Variants in NBEA observed in about 807,000 individuals in gnomAD.
NBEA encodes the protein neurobeachin, also known as lysosomal-trafficking regulator 2.
In NBEA, 44 loss-of-function variants were observed where a neutral mutation model predicts 343.4. The observed-to-expected ratio is 0.13, with a 90% confidence interval of 0.10 to 0.16. The LOEUF is 0.16. Ranked by LOEUF, NBEA falls within the 10% of genes least tolerant of loss-of-function variation. The probability of loss-of-function intolerance (pLI) is 1.00; values close to 1 mark genes in which losing one functional copy is unlikely to be tolerated. For synonymous variants in NBEA, 1,175 were observed against 1,238.7 expected (o/e 0.95, Z 1.08); for missense variants, 2,555 against 3,631.3 (o/e 0.70, Z 7.62).
intron 10 of NBEA, among the ~76,000 whole-genome samples, chr13:35,071,602 A>G (rs1192723451): frequency 1.3e-5 from 2 of 152,014 alleles, no homozygotes; most frequent in Admixed American, 6.6e-5. Flanking sequence ...AGTTATATAG[A>G]TAAGCATTAA....
chr13:35,069,317 A>G (rs1330579208), intron 8 of NBEA, among the ~76,000 whole-genome samples: 1 of 152,182 alleles, frequency 6.6e-6, no homozygotes, highest in South Asian at 2.1e-4. Context: ...TTCTTGTTAT[A>G]GATGGCATAG....
intron 17 of NBEA, among the ~76,000 whole-genome samples, chr13:35,133,411 T>C (rs1191959561): frequency 6.6e-6 from 1 of 152,128 alleles, no homozygotes; most frequent in African/African-American, 2.4e-5. Context: ...TATATACTGG[T>C]ACAATCACAT....
At position 35,240,433 on chromosome 13, in the gene NBEA, G is replaced by A. The variant is rs12870314; in HGVS notation, c.5776+7814G>A. Among the ~76,000 whole-genome samples the A allele has an allele frequency of 1.6e-3, 250 of 151,884 alleles. 1 individual carries two copies. Among genetic ancestry groups the A allele is most frequent in the Non-Finnish European group, 3.1e-3 (211 of 67,788 alleles). On this transcript the variant is annotated intron_variant, in intron 34 of 58. Coordinates refer to ENST00000379939, the MANE Select transcript of NBEA (RefSeq NM_001385012.1). ...GAGAGACAGCTAGACAATTAGATAG[G>A]AAAAATACCATCACCTATCAAGACG...
chr13:35,496,074 T>C (rs2076664628), intron 41 of NBEA, among the ~76,000 whole-genome samples: 1 of 151,964 alleles, frequency 6.6e-6, no homozygotes, highest in Non-Finnish European at 1.5e-5. Flanking sequence ...AGTAAGATAA[T>C]TGGGTGGAAG....
At chr13:35,462,237 G>A (rs371246283) in intron 40 of NBEA, among the ~76,000 whole-genome samples, 31 of 152,220 alleles carry the variant, frequency 2.0e-4, no homozygotes, top group African/African-American at 7.5e-4. Context: ...TGCCCTCCAG[G>A]AAGTTATAGA....
At chr13:35,073,189 T>C (rs2063950914) in intron 10 of NBEA, among the ~76,000 whole-genome samples, 1 of 152,206 alleles carries the variant, frequency 6.6e-6, no homozygotes, top group South Asian at 2.1e-4. Flanking sequence ...TACAGATTCA[T>C]GGCTATGCAG....
chr13:35,593,557 T>C (rs2081629918), intron 47 of NBEA, 110 bp downstream of exon 47: 1 of 700,098 alleles, frequency 1.4e-6, no homozygotes, highest in East Asian at 3.0e-5. Flanking sequence ...TGTTCCATCA[T>C]ATTAAAATTA....
intron 1 of NBEA, among the ~76,000 whole-genome samples, chr13:34,998,644 C>T (rs2061018726): frequency 6.6e-6 from 1 of 152,188 alleles, no homozygotes; most frequent in African/African-American, 2.4e-5. Context: ...AAATATGGCT[C>T]TGTTCTGCCC....
chr13:35,428,033 A>G (rs1276975172), intron 38 of NBEA, among the ~76,000 whole-genome samples: 1 of 152,024 alleles, frequency 6.6e-6, no homozygotes, highest in Non-Finnish European at 1.5e-5. Context: ...GCCATCTGTC[A>G]CCCATTTCTT....
intron 1 of NBEA, among the ~76,000 whole-genome samples, chr13:34,943,836 G>A (rs1481048376): frequency 6.6e-6 from 1 of 152,190 alleles, no homozygotes; most frequent in African/African-American, 2.4e-5. Flanking sequence ...AGTGTGGCAT[G>A]TGGGTAAAGA....
intron 41 of NBEA, among the ~76,000 whole-genome samples, chr13:35,492,385 A>G (rs2076533324): frequency 6.6e-6 from 1 of 151,986 alleles, no homozygotes; most frequent in Admixed American, 6.6e-5. Flanking sequence ...AAGAGATAGT[A>G]TGGTAATTAT....
intron 41 of NBEA, chr13:35,475,753 C>T: frequency 6.2e-7 from 1 of 1,613,914 alleles, no homozygotes; most frequent in South Asian, 1.1e-5. Flanking sequence ...AAACCTGGAC[C>T]GGATTTTGCG....
chr13:35,584,559 GCATGACCT>G (rs1487393304), intron 46 of NBEA, among the ~76,000 whole-genome samples: 1 of 151,294 alleles, frequency 6.6e-6, no homozygotes, highest in African/African-American at 2.4e-5. Context: ...GAGTGCAATG[GCATGACCT>G]CGGCTTACTG....
chr13:35,656,194 GCAAA>G (rs2084803896), intron 55 of NBEA, among the ~76,000 whole-genome samples: 1 of 152,132 alleles, frequency 6.6e-6, no homozygotes. Flanking sequence ...TATTCGTTTA[GCAAA>G]CAGTGAGTGA....
chr13:35,227,321 A>G (rs991749962), intron 33 of NBEA, among the ~76,000 whole-genome samples: 8 of 152,068 alleles, frequency 5.3e-5, no homozygotes, highest in South Asian at 2.1e-4. Flanking sequence ...CAGACACAGT[A>G]TTTGAGTTGT....
chr13:35,202,669 C>T (rs2073103511), intron 31 of NBEA, among the ~76,000 whole-genome samples: 1 of 152,084 alleles, frequency 6.6e-6, no homozygotes, highest in South Asian at 2.1e-4. Flanking sequence ...CATCCACTCT[C>T]CTGGCATTAA....
chr13:35,105,721 C>G (rs2065888464), intron 11 of NBEA, among the ~76,000 whole-genome samples: 1 of 151,990 alleles, frequency 6.6e-6, no homozygotes, highest in South Asian at 2.1e-4. Context: ...AAAACAACAA[C>G]ACATGATTAA....
chr13:35,401,442 A>G (rs1225750931), intron 38 of NBEA, among the ~76,000 whole-genome samples: 2 of 152,090 alleles, frequency 1.3e-5, no homozygotes, highest in Admixed American at 1.3e-4. Flanking sequence ...TGTGTGGTCA[A>G]ATGAATTTAG....
At chr13:35,015,067 T>G (rs553275905) in intron 1 of NBEA, among the ~76,000 whole-genome samples, 18 of 140,652 alleles carry the variant, frequency 1.3e-4, no homozygotes, top group African/African-American at 4.5e-4. Context: ...CACTCTCCAG[T>G]GCTTCAGCAT....
Sources: allele counts gnomAD v4.1 joint callset (sites outside exome capture counted in the v4.1 genomes callset), GRCh38; gene constraint gnomAD v4.1.1; transcripts MANE v1.5; gene names NCBI Gene and HGNC (gene_info 2026-07-23, HGNC 2026-07-21).